Variants in HPCAL1 observed in about 807,000 individuals in gnomAD.
HPCAL1 encodes hippocalcin-like protein 1.
A neutral mutation model predicts 17.1 loss-of-function variants in HPCAL1; 8 were observed. That is an observed-to-expected ratio of 0.47 (90% CI 0.27 to 0.84). HPCAL1 has a LOEUF of 0.84. HPCAL1 is among the 40% of genes least tolerant of loss of function. HPCAL1 has a pLI of 0.13. For synonymous variants in HPCAL1, 112 were observed against 111.4 expected (o/e 1.01, Z -0.03); for missense variants, 165 against 271.1 (o/e 0.61, Z 2.75).
Position 10,344,554 on chromosome 2 carries a change from A to G in HPCAL1, c.-111+41377A>G, listed in dbSNP as rs1435138440. 2.0e-5 allele frequency among the ~76,000 whole-genome samples: 3 copies of G among 152,246 alleles called. No individual in the cohort carries two copies. The highest frequency in any genetic ancestry group is 7.2e-5 in the African/African-American group (3 of 41,466). ...CTGAAATGGAGCCCTGTGCAAAGAA[A>G]TGAAGAAAAGCTATCGGGGCATCTG... is the stretch of plus-strand genomic sequence containing the variant. On this transcript the variant is annotated intron_variant, in intron 1 of 4. Transcript: ENST00000307845. The surrounding 1 kb of genome is among the most constrained non-coding windows in gnomAD (Gnocchi z 4.9).
At chr2:10,396,466 G>T (rs1669032864) in intron 1 of HPCAL1, among the ~76,000 whole-genome samples, 1 of 152,212 alleles carries the variant, frequency 6.6e-6, no homozygotes, top group Admixed American at 6.5e-5. Context: ...GTCTGTGATG[G>T]CCCCAGGTGA....
chr2:10,324,548 G>A (rs1432567595), intron 1 of HPCAL1, among the ~76,000 whole-genome samples: 1 of 152,176 alleles, frequency 6.6e-6, no homozygotes, highest in Non-Finnish European at 1.5e-5. Context: ...AAAAGTTGCT[G>A]CTCTGCTAAA....
At chr2:10,421,879 G>C (rs1433570858) in intron 3 of HPCAL1, among the ~76,000 whole-genome samples, 3 of 152,164 alleles carry the variant, frequency 2.0e-5, no homozygotes, top group African/African-American at 7.2e-5. Context: ...TTTTCACACT[G>C]TCAGAGTAAA....
At chr2:10,351,526 G>A (rs1186085043) in intron 1 of HPCAL1, among the ~76,000 whole-genome samples, 1 of 152,170 alleles carries the variant, frequency 6.6e-6, no homozygotes, top group Non-Finnish European at 1.5e-5. Context: ...GGGAGGCTGA[G>A]TCAGGAGGAC....
intron 1 of HPCAL1, among the ~76,000 whole-genome samples, chr2:10,352,247 T>C (rs1665888639): frequency 6.6e-6 from 1 of 152,152 alleles, no homozygotes; most frequent in South Asian, 2.1e-4. Context: ...TGCCTATCCA[T>C]ATACCTCCCA....
intron 2 of HPCAL1, among the ~76,000 whole-genome samples, chr2:10,413,045 T>A (rs988102544): frequency 6.6e-6 from 1 of 152,244 alleles, no homozygotes; most frequent in African/African-American, 2.4e-5. Flanking sequence ...CCTGGAACCT[T>A]AGGATGAGCA....
Position 10,396,191 on chromosome 2 carries a change from G to A in HPCAL1, c.-110-644G>A, listed in dbSNP as rs565180647. 7.9e-5 allele frequency among the ~76,000 whole-genome samples: 12 copies of A among 152,348 alleles called. No individual in the cohort carries two copies. In the East Asian group the frequency reaches 1.5e-3, roughly 20 times the overall value. The stretch of plus-strand genomic sequence containing the variant: ...CTGCGGGCTGAATGTCAGGTGATGC[G>A]TCCTGACCTCTTCCTGAGCACCTAG... On this transcript the variant is annotated intron_variant, in intron 1 of 4. Transcript: ENST00000307845.
intron 1 of HPCAL1, among the ~76,000 whole-genome samples, chr2:10,316,543 C>T (rs1234251393): frequency 5.3e-5 from 8 of 152,202 alleles, no homozygotes; most frequent in Non-Finnish European, 1.0e-4. Flanking sequence ...CCTCCAAAGG[C>T]TTCTTAGGCC....
Position 10,331,877 on chromosome 2 carries a change from C to T in HPCAL1, c.-111+28700C>T, listed in dbSNP as rs1266374987. Among the ~76,000 whole-genome samples, 3 of 152,042 alleles carry T rather than the reference C, an allele frequency of 2.0e-5. No individual in the cohort carries two copies. Among genetic ancestry groups the T allele is most frequent in the Middle Eastern group, 6.8e-3 (2 of 294 alleles). On this transcript the variant is annotated intron_variant, in intron 1 of 4. Coordinates refer to ENST00000307845, the MANE Select transcript of HPCAL1 (RefSeq NM_002149.4). This position sits in a 1 kb window ranked among gnomAD's most constrained non-coding sequence, Gnocchi z 5.0. ...CACCCGTTGTCATTTACGAGACAGC[C>T]CTGTGTCACCTGTTGATTCAGAGGG... is the stretch of plus-strand genomic sequence containing the variant.
intron 1 of HPCAL1, among the ~76,000 whole-genome samples, chr2:10,386,014 G>A (rs1668287882): frequency 6.6e-6 from 1 of 152,198 alleles, no homozygotes; most frequent in African/African-American, 2.4e-5. Flanking sequence ...CTGGCAATTA[G>A]AATATTAATG....
chr2:10,409,777 C>CTTTTTTT (rs34031495), intron 2 of HPCAL1, among the ~76,000 whole-genome samples: 3 of 62,508 alleles, frequency 4.8e-5, no homozygotes, highest in Non-Finnish European at 8.5e-5. Flanking sequence ...GAGCCTCAGT[C>CTTTTTTT]TTTTTTTTTT....
chr2:10,336,393 G>A (rs1664725587), intron 1 of HPCAL1, among the ~76,000 whole-genome samples: 1 of 152,206 alleles, frequency 6.6e-6, no homozygotes, highest in Non-Finnish European at 1.5e-5. Flanking sequence ...AGCGTATTGA[G>A]AATGTTCTTC....
At chr2:10,350,013 C>T (rs1046013930) in intron 1 of HPCAL1, among the ~76,000 whole-genome samples, 2 of 152,112 alleles carry the variant, frequency 1.3e-5, no homozygotes, top group Non-Finnish European at 2.9e-5. Context: ...TTTGTTCATG[C>T]CTAATTGAAC....
chr2:10,334,422 C>G (rs1353986577), intron 1 of HPCAL1, among the ~76,000 whole-genome samples: 1 of 151,980 alleles, frequency 6.6e-6, no homozygotes, highest in Non-Finnish European at 1.5e-5. Context: ...GTGGGAGGCT[C>G]TCCTGAGCCC....
chr2:10,320,176 T>G (rs1422475669), intron 1 of HPCAL1, among the ~76,000 whole-genome samples: 1 of 152,142 alleles, frequency 6.6e-6, no homozygotes, highest in Non-Finnish European at 1.5e-5. Context: ...TCTGCAGGGC[T>G]TCAGTCCTGG....
chr2:10,321,436 G>GTGT (rs1040224789), intron 1 of HPCAL1, among the ~76,000 whole-genome samples: 4 of 151,894 alleles, frequency 2.6e-5, no homozygotes, highest in East Asian at 1.9e-4. Context: ...TCAGGGGAAA[G>GTGT]TGTTGTTGTT....
intron 1 of HPCAL1, among the ~76,000 whole-genome samples, chr2:10,322,414 A>G (rs1342336452): frequency 6.6e-6 from 1 of 152,208 alleles, no homozygotes; most frequent in Non-Finnish European, 1.5e-5. Flanking sequence ...GCCACACGAA[A>G]ACCCCAGCAG....
chr2:10,359,446 T>A lies in HPCAL1; in HGVS notation c.-110-37389T>A, dbSNP rs774213941. ...AGATGTCTTTGTTCCCAGAGGAAAG[T>A]CCCTGCAGGCCCCGGCCTCATGGCC... On this transcript the variant is annotated intron_variant, in intron 1 of 4. Coordinates refer to ENST00000307845, the MANE Select transcript of HPCAL1 (RefSeq NM_002149.4). This position sits in a 1 kb window ranked among gnomAD's most constrained non-coding sequence, Gnocchi z 4.1. 1.3e-5 allele frequency among the ~76,000 whole-genome samples: 2 copies of A among 152,210 alleles called. No individual in the cohort carries two copies. Among genetic ancestry groups the A allele is most frequent in the Admixed American group, 6.5e-5 (1 of 15,280 alleles).
At chr2:10,313,887 C>T (rs1481451752) in intron 1 of HPCAL1, among the ~76,000 whole-genome samples, 1 of 152,144 alleles carries the variant, frequency 6.6e-6, no homozygotes, top group African/African-American at 2.4e-5. Flanking sequence ...AATCCCAGCA[C>T]TTTGGGAGGC....
Sources: gnomAD v4.1 joint callset for allele counts (sites outside exome capture counted in the v4.1 genomes callset) on GRCh38, gnomAD v4.1.1 for gene constraint, Gnocchi (gnomAD v3.1) non-coding constraint, MANE v1.5 for transcripts, NCBI Gene and HGNC (gene_info 2026-07-23, HGNC 2026-07-21) for gene names.